LCP2: variants seen among roughly 807,000 people sequenced by gnomAD.
LCP2 encodes 76 kDa tyrosine phosphoprotein.
LCP2 carries 29 observed loss-of-function variants against 74.5 expected under a neutral mutation model. The observed-to-expected ratio is 0.39, with a 90% CI of 0.29 to 0.53. The LOEUF (loss-of-function observed/expected upper bound fraction) is 0.53, where lower values mean the gene tolerates loss of function less well. Ranked by LOEUF, LCP2 falls within the 20% of genes least tolerant of loss-of-function variation. The pLI, the probability that LCP2 is intolerant of heterozygous loss-of-function variation, is 0.72. For synonymous variants in LCP2, 228 were observed against 229.5 expected, an observed-to-expected ratio of 0.99 and a Z score of 0.06; for missense variants, 604 against 634.6, an observed-to-expected ratio of 0.95 and a Z score of 0.52.
Position 170,268,388 on chromosome 5 carries a change from G to T in LCP2, c.618C>A (p.His206Gln). The T allele has an allele frequency of 6.7e-6, 5 of 747,724 alleles. No individual in the cohort carries two copies. The highest frequency in any genetic ancestry group is 7.1e-6 in the Non-Finnish European group (4 of 567,286). 46.3% of individuals were successfully genotyped at this position (747,724 alleles called of 1,614,324 possible). ...ALPPPPAGRN[H>Q]SPLPPPQTNH... is the part of the protein sequence containing the mutation. ...AAAAGAACGGGAGGAGGCCTACCGA[G>T]TGATTCCGGCCGGCTGGTGGGGGCG... The change falls in exon 8 of 21, where the codon CAC becomes CAA. Residue 206 changes from histidine (H) to glutamine (Q), a missense_variant. His to Gln is a conservative substitution (Grantham distance 24, BLOSUM62 0). Transcript: ENST00000046794.
At chr5:170,265,389 G>A (rs970180795) in intron 10 of LCP2, among the ~76,000 whole-genome samples, 11 of 152,114 alleles carry the variant, frequency 7.2e-5, no homozygotes, top group Middle Eastern at 3.4e-3. Flanking sequence ...CACAGAAAAC[G>A]GACTAATTCA....
chr5:170,293,379 A>G lies in LCP2; in HGVS notation c.79-7T>C, dbSNP rs200941456. On this transcript the variant is annotated splice_region_variant and splice_polypyrimidine_tract_variant and intron_variant, in intron 1 of 20. Coordinates refer to ENST00000046794, the MANE Select transcript of LCP2 (RefSeq NM_005565.5). Reference sequence around the variant, plus strand: ...CACAGTCCTTATAGTTGAGCTGCAAAGAGAAGGGGAAGGTGTTGTTAGTGA... The same window carrying G: ...CACAGTCCTTATAGTTGAGCTGCAAGGAGAAGGGGAAGGTGTTGTTAGTGA... The G allele has an allele frequency of 7.6e-6, 12 of 1,587,728 alleles. No homozygotes were observed. The East Asian group carries it at 2.7e-4, about 36-fold the overall frequency.
At chr5:170,271,509 A>G (rs1320673967) in intron 6 of LCP2, among the ~76,000 whole-genome samples, 3 of 152,170 alleles carry the variant, frequency 2.0e-5, no homozygotes, top group Admixed American at 2.0e-4. Flanking sequence ...CAACACATCC[A>G]TTATTCATGA....
Position 170,253,095 on chromosome 5 carries a change from A to G in LCP2, c.1245+24T>C, listed in dbSNP as rs992681463. On this transcript the variant is annotated intron_variant, in intron 18 of 20. Coordinates refer to ENST00000046794, the MANE Select transcript of LCP2 (RefSeq NM_005565.5). The stretch of plus-strand genomic sequence containing the variant: ...TTTACCAGGGAAAAGGCAAACAAAC[A>G]AAAATAAAAACATGCTCTCTTACCT... 4.6e-6 allele frequency: 7 copies of G among 1,526,898 alleles called. No homozygotes were observed. In the African/African-American group the frequency reaches 9.6e-5, roughly 21 times the overall value. The allele number at this position is 1,526,898 out of a possible 1,614,324, so 94.6% of individuals were successfully genotyped here.
intron 2 of LCP2, among the ~76,000 whole-genome samples, chr5:170,289,625 CTTTCT>C (rs981388053): frequency 1.1e-5 from 1 of 92,872 alleles, no homozygotes; most frequent in African/African-American, 4.6e-5. Context: ...CTTTTTCTTT[CTTTCT>C]TTCTTTCTTT....
At chr5:170,274,773 G>A (rs1321007784) in intron 5 of LCP2, among the ~76,000 whole-genome samples, 15 of 152,062 alleles carry the variant, frequency 9.9e-5, no homozygotes, top group Admixed American at 2.0e-4. Context: ...TCAGGAGATC[G>A]AGACCATCCT....
chr5:170,281,613 G>A lies in LCP2; in HGVS notation c.189-5753C>T, dbSNP rs371786051. ...ATGAGAATGTTCCTTTCGCCTCTGC[G>A]TCCCTTCCTCCACACCTTTCCTGTC... On this transcript the variant is annotated intron_variant, in intron 3 of 20. Transcript: ENST00000046794. Among the ~76,000 whole-genome samples, 19 of 152,298 alleles carry A rather than the reference G, an allele frequency of 1.2e-4. 1 individual carries two copies. In the South Asian group the frequency reaches 1.9e-3, roughly 15 times the overall value.
chr5:170,282,324 A>G (rs1422414872), intron 3 of LCP2, among the ~76,000 whole-genome samples: 1 of 152,232 alleles, frequency 6.6e-6, no homozygotes, highest in East Asian at 1.9e-4. Context: ...ACTTATGTAC[A>G]AGAGATGGAA....
At chr5:170,269,100 C>T (rs1330257639) in intron 7 of LCP2, among the ~76,000 whole-genome samples, 4 of 152,212 alleles carry the variant, frequency 2.6e-5, no homozygotes, top group Non-Finnish European at 5.9e-5. Context: ...TTGCTCATCT[C>T]TTCCCATAAA....
In LCP2 at chr5:170,297,757, T is replaced by C. The variant is rs1762418079; in HGVS notation, c.-146A>G. The C allele has an allele frequency of 3.4e-6, 2 of 590,902 alleles. No individual in the cohort carries two copies. Among genetic ancestry groups the C allele is most frequent in the Non-Finnish European group, 5.8e-6 (2 of 342,650 alleles). The allele number at this position is 590,902 out of a possible 1,614,324, so 36.6% of individuals were successfully genotyped here. On this transcript the variant is annotated 5_prime_UTR_variant, in exon 1 of 21. Coordinates refer to ENST00000046794, the MANE Select transcript of LCP2 (RefSeq NM_005565.5). The stretch of plus-strand genomic sequence containing the variant: ...AACACCCCTGTTGGAGCCGATGTCT[T>C]TTCTGGCGTAGCCAGATCCCAGAAA...
intron 14 of LCP2, among the ~76,000 whole-genome samples, chr5:170,260,897 G>A (rs866661592): frequency 1.3e-5 from 2 of 152,174 alleles, no homozygotes; most frequent in Non-Finnish European, 2.9e-5. Context: ...CTCTTAGAGG[G>A]ACATGAGCTA....
intron 10 of LCP2, 133 bp downstream of exon 10, chr5:170,266,675 G>A (rs1761762534): frequency 1.3e-6 from 1 of 785,108 alleles, no homozygotes; most frequent in Admixed American, 2.0e-5. Flanking sequence ...GTAAAATGAG[G>A]ATGATTCTAC....
intron 15 of LCP2, 171 bp from the exon 16 acceptor site, chr5:170,258,337 T>C: frequency 3.3e-6 from 2 of 611,096 alleles, no homozygotes; most frequent in South Asian, 4.7e-5. Flanking sequence ...CCAGGGTGTT[T>C]CTAGATGACT....
At chr5:170,261,555 A>G (rs1414299751) in intron 13 of LCP2, among the ~76,000 whole-genome samples, 1 of 152,214 alleles carries the variant, frequency 6.6e-6, no homozygotes, top group Non-Finnish European at 1.5e-5. Context: ...TTTCCCAAGA[A>G]ATGAAAACAT....
At chr5:170,271,075 G>A (rs1446804920) in intron 6 of LCP2, among the ~76,000 whole-genome samples, 158 bp from the exon 7 acceptor site, 1 of 152,172 alleles carries the variant, frequency 6.6e-6, no homozygotes, top group African/African-American at 2.4e-5. Context: ...GGAATCTGAG[G>A]TCAGGGAGCA....
intron 1 of LCP2, among the ~76,000 whole-genome samples, chr5:170,295,627 A>T (rs1320713461): frequency 1.3e-5 from 2 of 152,220 alleles, no homozygotes; most frequent in Non-Finnish European, 2.9e-5. Context: ...TTGCATCTGC[A>T]GATCAATTCT....
At chr5:170,279,304 G>A (rs1762063552) in intron 3 of LCP2, among the ~76,000 whole-genome samples, 1 of 152,158 alleles carries the variant, frequency 6.6e-6, no homozygotes, top group African/African-American at 2.4e-5. Flanking sequence ...ACAGCATGGT[G>A]GGGGCCAGTC....
At chr5:170,290,993 A>G (rs1762283660) in intron 2 of LCP2, among the ~76,000 whole-genome samples, 1 of 91,942 alleles carries the variant, frequency 1.1e-5, no homozygotes, top group Admixed American at 1.0e-4. Flanking sequence ...AGAAAGAAAG[A>G]AAGAAAGAGA....
chr5:170,262,583 C>G, intron 13 of LCP2, 52 bp downstream of exon 13: 2 of 1,385,738 alleles, frequency 1.4e-6, no homozygotes, highest in Non-Finnish European at 2.0e-6. Flanking sequence ...CACAGGGCAG[C>G]CTGTCTGCCG....
Sources: allele counts gnomAD v4.1 joint callset (sites outside exome capture counted in the v4.1 genomes callset), GRCh38; gene constraint gnomAD v4.1.1; transcripts MANE v1.5; gene names NCBI Gene and HGNC (gene_info 2026-07-23, HGNC 2026-07-21).